The following ELOVL7 variants were observed in gnomAD, a reference collection of about 807,000 sequenced individuals.
The protein encoded by ELOVL7 is very long chain fatty acid elongase 7.
A neutral mutation model predicts 35.7 loss-of-function variants in ELOVL7; 27 were observed. The ratio of observed to expected loss-of-function variants is 0.76; its 90% CI spans 0.56 to 1.04. ELOVL7 has a LOEUF of 1.04. ELOVL7 is among the 50% of genes least tolerant of loss of function. ELOVL7 has a pLI of 0.00. For synonymous variants in ELOVL7, 113 were observed against 114.6 expected (o/e 0.99, Z 0.09); for missense variants, 327 against 340.8 (o/e 0.96, Z 0.32).
chr5:60,778,343 A>AT (rs1743035742), intron 3 of ELOVL7, among the ~76,000 whole-genome samples: 1 of 152,230 alleles, frequency 6.6e-6, no homozygotes, highest in African/African-American at 2.4e-5. Flanking sequence ...CCTTAAATAC[A>AT]TGAACATCAT....
At chr5:60,768,487 A>T (rs1742379363) in intron 4 of ELOVL7, among the ~76,000 whole-genome samples, 1 of 152,236 alleles carries the variant, frequency 6.6e-6, no homozygotes, top group Non-Finnish European at 1.5e-5. Context: ...GATTCACAAG[A>T]CAAGTAAAAG....
At chr5:60,826,712 AAAC>A (rs1746191984) in intron 1 of ELOVL7, among the ~76,000 whole-genome samples, 1 of 152,210 alleles carries the variant, frequency 6.6e-6, no homozygotes, top group African/African-American at 2.4e-5. Context: ...GAAATGAGAA[AAAC>A]AACAACATTG....
chr5:60,771,349 T>C (rs1442437295), intron 4 of ELOVL7, among the ~76,000 whole-genome samples: 1 of 152,142 alleles, frequency 6.6e-6, no homozygotes, highest in East Asian at 1.9e-4. Flanking sequence ...AATGAATTAA[T>C]GAGTTAATGG....
intron 7 of ELOVL7, among the ~76,000 whole-genome samples, chr5:60,758,809 G>C (rs1234560354): frequency 6.6e-6 from 1 of 152,104 alleles, no homozygotes; most frequent in Non-Finnish European, 1.5e-5. Flanking sequence ...TGTATAGCCT[G>C]ACTCAGCTTA....
chr5:60,827,928 G>T (rs892328679), intron 1 of ELOVL7, among the ~76,000 whole-genome samples: 1 of 151,770 alleles, frequency 6.6e-6, no homozygotes, highest in Admixed American at 6.6e-5. Flanking sequence ...CACTCTTTCT[G>T]CCCTTCTCAC....
intron 3 of ELOVL7, among the ~76,000 whole-genome samples, chr5:60,777,646 G>A (rs1742987882): frequency 6.6e-6 from 1 of 152,172 alleles, no homozygotes; most frequent in South Asian, 2.1e-4. Flanking sequence ...CAGTGAGATT[G>A]GCTTAGGCTA....
At chr5:60,842,047 A>G (rs1214371230) in intron 1 of ELOVL7, among the ~76,000 whole-genome samples, 1 of 152,222 alleles carries the variant, frequency 6.6e-6, no homozygotes, top group African/African-American at 2.4e-5. Context: ...ACATTTATCA[A>G]GCAACTACTA....
chr5:60,820,345 T>C, intron 1 of ELOVL7, among the ~76,000 whole-genome samples: 1 of 152,240 alleles, frequency 6.6e-6, no homozygotes. Context: ...AATTCTGACC[T>C]ACAGAACTGT....
At chr5:60,810,485 T>A (rs1297873647) in intron 1 of ELOVL7, among the ~76,000 whole-genome samples, 1 of 152,370 alleles carries the variant, frequency 6.6e-6, no homozygotes, top group East Asian at 1.9e-4. Flanking sequence ...ATTATTTTAT[T>A]CAAAACTGAT....
chr5:60,839,693 G>A (rs1747043885), intron 1 of ELOVL7, among the ~76,000 whole-genome samples: 1 of 152,168 alleles, frequency 6.6e-6, no homozygotes, highest in Non-Finnish European at 1.5e-5. Flanking sequence ...CCGGAATTCC[G>A]TGTTTGGTAA....
At chr5:60,833,666 C>T (rs1746618164) in intron 1 of ELOVL7, among the ~76,000 whole-genome samples, 1 of 152,176 alleles carries the variant, frequency 6.6e-6, no homozygotes, top group Non-Finnish European at 1.5e-5. Flanking sequence ...GGAGTTCAGA[C>T]TAAACTAGAT....
chr5:60,785,240 G>A (rs747911378), intron 3 of ELOVL7, among the ~76,000 whole-genome samples: 7 of 151,942 alleles, frequency 4.6e-5, no homozygotes, highest in Admixed American at 3.3e-4. Context: ...TCCCTGCACC[G>A]TTTGCAATGC....
Position 60,753,363 on chromosome 5 carries a change from G to A in ELOVL7, c.*1261C>T, listed in dbSNP as rs926623362. ...TAAAGAAACAAAGTGTATGCCAAAC[G>A]AATTTCAGTCCTTCATTACATGGTT... On this transcript the variant is annotated 3_prime_UTR_variant, in exon 9 of 9. Coordinates refer to ENST00000508821, the MANE Select transcript of ELOVL7 (RefSeq NM_024930.3). 2.6e-5 allele frequency: 4 copies of A among 152,126 alleles called. No individual in the cohort carries two copies. The highest frequency in any genetic ancestry group is 5.9e-5 in the Non-Finnish European group (4 of 68,018). 9.4% of individuals were successfully genotyped at this position (152,126 alleles called of 1,614,324 possible).
intron 3 of ELOVL7, among the ~76,000 whole-genome samples, chr5:60,779,710 C>G (rs1743121970): frequency 6.6e-6 from 1 of 152,242 alleles, no homozygotes; most frequent in Non-Finnish European, 1.5e-5. Flanking sequence ...GAGACATTTT[C>G]CCCATTGTCT....
chr5:60,795,779 C>T (rs1406321611), intron 2 of ELOVL7, among the ~76,000 whole-genome samples: 1 of 152,312 alleles, frequency 6.6e-6, no homozygotes, highest in East Asian at 1.9e-4. Flanking sequence ...TGCCCAGGTT[C>T]ATCCTAACCA....
chr5:60,786,936 G>T lies in ELOVL7; in HGVS notation c.64+398C>A, dbSNP rs1743633517. On this transcript the variant is annotated intron_variant, in intron 3 of 8. Transcript: ENST00000508821. The stretch of plus-strand genomic sequence containing the variant: ...ATTGCACCACTGCACTCCAGCTTGG[G>T]CGACAGAGTGAGACTCTGTCTTAAA... 2.0e-5 allele frequency among the ~76,000 whole-genome samples: 3 copies of T among 151,754 alleles called. No individual in the cohort carries two copies. In the South Asian group the frequency reaches 6.3e-4, roughly 32 times the overall value.
chr5:60,763,317 C>T (rs1742035689), intron 7 of ELOVL7, among the ~76,000 whole-genome samples: 1 of 152,160 alleles, frequency 6.6e-6, no homozygotes, highest in African/African-American at 2.4e-5. Flanking sequence ...TCCTCCCATG[C>T]TCTGAGACAT....
intron 1 of ELOVL7, among the ~76,000 whole-genome samples, chr5:60,834,714 A>G (rs1481233215): frequency 6.6e-6 from 1 of 152,184 alleles, no homozygotes; most frequent in Non-Finnish European, 1.5e-5. Flanking sequence ...GGTTCTGACT[A>G]CTTACTACAC....
intron 6 of ELOVL7, 125 bp from the exon 7 acceptor site, chr5:60,764,457 T>C (rs1473769450): frequency 4.1e-6 from 3 of 733,410 alleles, no homozygotes; most frequent in Non-Finnish European, 6.7e-6. Flanking sequence ...TGTTGCCTTA[T>C]AGAATGCTTA....
Sources: allele counts gnomAD v4.1 joint callset (sites outside exome capture counted in the v4.1 genomes callset), GRCh38; gene constraint gnomAD v4.1.1; transcripts MANE v1.5; gene names NCBI Gene and HGNC (gene_info 2026-07-23, HGNC 2026-07-21).